DNAH7: variants seen among roughly 807,000 people sequenced by gnomAD.
DNAH7 encodes the protein axonemal beta dynein heavy chain 7.
DNAH7 carries 397 observed loss-of-function variants against 444.6 expected under a neutral mutation model. The observed-to-expected ratio is 0.89, with a 90% CI of 0.82 to 0.97. The LOEUF (loss-of-function observed/expected upper bound fraction) is 0.97, where lower values mean the gene tolerates loss of function less well. Among genes scored for constraint, DNAH7 ranks in the 50% least tolerant of loss-of-function variants. The pLI, the probability that DNAH7 is intolerant of heterozygous loss-of-function variation, is 0.00. For synonymous variants in DNAH7, 1,636 were observed against 1,624.4 expected (o/e 1.01, Z -0.17); for missense variants, 4,902 against 4,800.8 (o/e 1.02, Z -0.62).
intron 24 of DNAH7, among the ~76,000 whole-genome samples, chr2:195,910,742 A>G (rs1687310173): frequency 6.6e-6 from 1 of 152,174 alleles, no homozygotes; most frequent in African/African-American, 2.4e-5. Context: ...ATATAAATCT[A>G]GAAGTCTTGA....
At chr2:195,785,205 C>CATGTGGT (rs1200978835) in intron 58 of DNAH7, among the ~76,000 whole-genome samples, 4 of 152,172 alleles carry the variant, frequency 2.6e-5, no homozygotes, top group Admixed American at 6.5e-5. Context: ...GCCACCGCAC[C>CATGTGGT]CGGCCGACCC....
chr2:195,934,145 T>A (rs1574814405), intron 21 of DNAH7, among the ~76,000 whole-genome samples: 1 of 152,174 alleles, frequency 6.6e-6, no homozygotes, highest in South Asian at 2.1e-4. Context: ...GAAGTTGTTA[T>A]TAATTGTAGG....
intron 9 of DNAH7, among the ~76,000 whole-genome samples, chr2:196,013,833 A>G (rs1002397638): frequency 6.6e-6 from 1 of 152,212 alleles, no homozygotes; most frequent in African/African-American, 2.4e-5. Context: ...CTTCCTAGTC[A>G]ATGCTTTCAA....
At chr2:195,744,153 C>G (rs1370054641) in intron 63 of DNAH7, among the ~76,000 whole-genome samples, 1 of 152,234 alleles carries the variant, frequency 6.6e-6, no homozygotes, top group Admixed American at 6.5e-5. Flanking sequence ...TCGGGTCACT[C>G]CCACCCTAAT....
At chr2:196,034,468 AG>A (rs1696259212) in intron 5 of DNAH7, among the ~76,000 whole-genome samples, 1 of 152,236 alleles carries the variant, frequency 6.6e-6, no homozygotes, top group Non-Finnish European at 1.5e-5. Context: ...ATTCATTCAC[AG>A]TCTCAACGCA....
At chr2:195,826,038 T>C (rs995053435) in intron 48 of DNAH7, among the ~76,000 whole-genome samples, 2 of 152,354 alleles carry the variant, frequency 1.3e-5, no homozygotes, top group Admixed American at 1.3e-4. Context: ...TCATAATGTA[T>C]TAAATATGTT....
chr2:195,797,232 T>C (rs1157753957), intron 55 of DNAH7, among the ~76,000 whole-genome samples: 1 of 152,240 alleles, frequency 6.6e-6, no homozygotes, highest in African/African-American at 2.4e-5. Flanking sequence ...TAGAGAATTC[T>C]GTGGGAATGT....
intron 63 of DNAH7, chr2:195,741,222 A>G (rs1396016523): frequency 6.5e-6 from 1 of 153,114 alleles, no homozygotes; most frequent in Non-Finnish European, 1.5e-5. Flanking sequence ...AAATCTAGGG[A>G]AAAAAATAGT....
chr2:195,749,244 C>T (rs534042286), intron 63 of DNAH7, among the ~76,000 whole-genome samples: 37 of 152,294 alleles, frequency 2.4e-4, no homozygotes, highest in African/African-American at 8.2e-4. Context: ...CTCACCATCA[C>T]TGGCCGTCAG....
chr2:195,852,126 C>T (rs896947743), intron 46 of DNAH7, among the ~76,000 whole-genome samples: 3 of 151,862 alleles, frequency 2.0e-5, no homozygotes, highest in Non-Finnish European at 4.4e-5. Flanking sequence ...GGCGTGGTGG[C>T]GGGCACCTGT....
chr2:195,853,554 C>T (rs943134020), intron 45 of DNAH7, 26 bp from the exon 46 acceptor site: 2 of 1,590,076 alleles, frequency 1.3e-6, no homozygotes, highest in Non-Finnish European at 1.7e-6. Flanking sequence ...GAGCTTTTAT[C>T]AACATTTACA....
At chr2:195,817,918 A>G in intron 49 of DNAH7, 89 bp from the exon 50 acceptor site, 1 of 920,760 alleles carries the variant, frequency 1.1e-6, no homozygotes, top group Non-Finnish European at 1.6e-6. Flanking sequence ...CTTAAAATAG[A>G]CTCTATTTAC....
At chr2:195,836,115 C>G (rs1698359921) in intron 47 of DNAH7, among the ~76,000 whole-genome samples, 1 of 152,118 alleles carries the variant, frequency 6.6e-6, no homozygotes, top group Non-Finnish European at 1.5e-5. Flanking sequence ...GGCCTCTGCT[C>G]CATGCAAGAT....
intron 25 of DNAH7, 31 bp downstream of exon 25, chr2:195,909,996 T>C: frequency 6.3e-7 from 1 of 1,588,430 alleles, no homozygotes; most frequent in Non-Finnish European, 8.6e-7. Flanking sequence ...TCAGTTATCC[T>C]GTTGTAAAGA....
intron 20 of DNAH7, among the ~76,000 whole-genome samples, chr2:195,935,895 G>T (rs903782650): frequency 6.6e-6 from 1 of 152,124 alleles, no homozygotes; most frequent in Admixed American, 6.6e-5. Flanking sequence ...TTTTACCGGG[G>T]AATTGCAAAA....
At chr2:196,054,799 T>A (rs2125874632) in intron 2 of DNAH7, among the ~76,000 whole-genome samples, 1 of 152,200 alleles carries the variant, frequency 6.6e-6, no homozygotes, top group South Asian at 2.1e-4. Flanking sequence ...TCTGATGGTT[T>A]TATAAGGGGC....
rs776058628 is a variant in DNAH7, at chr2:195,754,439, C to T, written c.11662G>A (p.Ala3888Thr). The part of the protein sequence containing the change: ...FFFTQAFLTG[A>T]QQNYARKYTI... Reference sequence around the variant, plus strand: ...TATTTCCTGGCGTAGTTCTGCTGGGCACCGGTCAGGAAGGCTTGTGTGAAG... The same window carrying T: ...TATTTCCTGGCGTAGTTCTGCTGGGTACCGGTCAGGAAGGCTTGTGTGAAG... The change falls in exon 63 of 65, where the codon GCC (alanine) becomes ACC (threonine). Residue 3888 changes from alanine to threonine, a missense_variant. Coordinates refer to ENST00000312428, the MANE Select transcript of DNAH7 (RefSeq NM_018897.3). 1 of 1,614,062 alleles carries T rather than the reference C, an allele frequency of 6.2e-7. No homozygotes were observed. The highest frequency in any genetic ancestry group is 8.5e-7 in the Non-Finnish European group (1 of 1,179,982).
At chr2:195,763,414 A>C (rs1018447314) in intron 61 of DNAH7, among the ~76,000 whole-genome samples, 33 of 152,056 alleles carry the variant, frequency 2.2e-4, no homozygotes, top group Non-Finnish European at 1.5e-4. Flanking sequence ...AAATGAAGAA[A>C]GTACATAATC....
At chr2:195,915,025 G>T (rs1008453865) in intron 24 of DNAH7, among the ~76,000 whole-genome samples, 2 of 152,188 alleles carry the variant, frequency 1.3e-5, no homozygotes, top group Admixed American at 6.5e-5. Flanking sequence ...TTTTCAGTTT[G>T]TGGATATTCA....
Sources: gnomAD v4.1 joint callset for allele counts (sites outside exome capture counted in the v4.1 genomes callset) on GRCh38, gnomAD v4.1.1 for gene constraint, MANE v1.5 for transcripts, NCBI Gene and HGNC (gene_info 2026-07-23, HGNC 2026-07-21) for gene names.